Variants in PFKM observed in about 807,000 individuals in gnomAD.
The protein encoded by PFKM is ATP-dependent 6-phosphofructokinase, muscle type.
PFKM carries 58 observed loss-of-function variants against 95.5 expected under a neutral mutation model. That is an observed-to-expected ratio of 0.61 (90% CI 0.49 to 0.76). The LOEUF is 0.76. Ranked by LOEUF, PFKM falls within the 30% of genes least tolerant of loss-of-function variation. The pLI, the probability that PFKM is intolerant of heterozygous loss-of-function variation, is 0.00. For missense variants in PFKM, 678 were observed against 1,005.4 expected, an observed-to-expected ratio of 0.67 and a Z score of 4.40; for synonymous variants, 336 against 357.2, an observed-to-expected ratio of 0.94 and a Z score of 0.67.
At chr12:48,139,220 A>T in intron 11 of PFKM, 65 bp from the exon 12 acceptor site, 2 of 1,260,650 alleles carry the variant, frequency 1.6e-6, no homozygotes, top group South Asian at 2.4e-5. Flanking sequence ...CGACTGTGGG[A>T]TGGAGTTCCA....
chr12:48,111,290 CCAT>C (rs1947164350), intron 3 of PFKM, among the ~76,000 whole-genome samples: 1 of 152,194 alleles, frequency 6.6e-6, no homozygotes, highest in South Asian at 2.1e-4. Context: ...TTCATCTAGG[CCAT>C]CTATCACCAG....
chr12:48,137,548 C>A, intron 10 of PFKM, 173 bp from the exon 11 acceptor site: 1 of 703,432 alleles, frequency 1.4e-6, no homozygotes, highest in Non-Finnish European at 2.5e-6. Context: ...AGTCATCAAG[C>A]TTTAGATGAA....
chr12:48,118,897 T>A (rs78921140), upstream of PFKM, among the ~76,000 whole-genome samples: 1 of 142,450 alleles, frequency 7.0e-6, no homozygotes, highest in African/African-American at 2.7e-5. Flanking sequence ...TTATTTTTTT[T>A]AAACCTCTCG....
chr12:48,141,620 C>T (rs1316591305), intron 15 of PFKM, 120 bp from the exon 16 acceptor site: 10 of 869,082 alleles, frequency 1.2e-5, no homozygotes, highest in Non-Finnish European at 2.0e-5. Flanking sequence ...GGGAGGGCGG[C>T]ACAGGTCAAG....
chr12:48,136,687 C>T (rs1326973082), intron 10 of PFKM, among the ~76,000 whole-genome samples: 7 of 116,818 alleles, frequency 6.0e-5, no homozygotes, highest in East Asian at 4.9e-4. Context: ...ATTTGGGGGT[C>T]GTCACTTTTT....
intron 10 of PFKM, among the ~76,000 whole-genome samples, chr12:48,136,610 T>C (rs1950108453): frequency 2.0e-5 from 3 of 152,000 alleles, no homozygotes; most frequent in African/African-American, 7.2e-5. Context: ...CCCAACTGTT[T>C]CCAGAATAGC....
At chr12:48,120,752 G>T (rs1363707252) in intron 1 of PFKM, among the ~76,000 whole-genome samples, 1 of 152,162 alleles carries the variant, frequency 6.6e-6, no homozygotes, top group Non-Finnish European at 1.5e-5. Flanking sequence ...ACAGCTTACT[G>T]CCATACAAAA....
At chr12:48,110,314 G>T (rs571975132) in intron 3 of PFKM, among the ~76,000 whole-genome samples, 2 of 152,300 alleles carry the variant, frequency 1.3e-5, no homozygotes, top group Admixed American at 6.5e-5. Context: ...ATTGTGCAGT[G>T]CCTTCTAGGT....
In PFKM at chr12:48,137,769, C is replaced by T. The variant is rs1296850067; in HGVS notation, c.985C>T (p.Pro329Ser). ...EAVMALLEGT[P>S]DTPACVVSLS... ...AGTGATGGCACTTTTGGAGGGGACC[C>T]CAGATACCCCAGCCTGTGTAGTGAG... Residue 329 changes from proline to serine, a missense_variant, in exon 11 of 23, where the codon CCA (proline) becomes TCA (serine). Pro to Ser is a moderately conservative substitution (Grantham distance 74). Transcript: ENST00000359794. 1.2e-6 allele frequency: 2 copies of T among 1,614,084 alleles called. No individual in the cohort carries two copies. The highest frequency in any genetic ancestry group is 1.7e-6 in the Non-Finnish European group (2 of 1,179,966).
At chr12:48,123,415 A>G (rs954561673) in intron 2 of PFKM, among the ~76,000 whole-genome samples, 1 of 152,154 alleles carries the variant, frequency 6.6e-6, no homozygotes, top group African/African-American at 2.4e-5. Context: ...TATGAGGTGG[A>G]GGGGCAGAAA....
intron 2 of PFKM, among the ~76,000 whole-genome samples, chr12:48,124,794 CT>C (rs1290447067): frequency 6.6e-6 from 1 of 152,098 alleles, no homozygotes; most frequent in Admixed American, 6.6e-5. Flanking sequence ...AACTGAAATT[CT>C]ATGGAGGCAA....
At position 48,132,975 on chromosome 12, in the gene PFKM, C is replaced by T; in HGVS notation, c.345C>T (p.Val115=). 3 of 1,614,056 alleles carry T rather than the reference C, an allele frequency of 1.9e-6. No homozygotes were observed. Among genetic ancestry groups the T allele is most frequent in the Non-Finnish European group, 2.5e-6 (3 of 1,179,922 alleles). The stretch of plus-strand genomic sequence containing the variant: ...AGCGTGGGATCACCAATCTCTGTGT[C>T]ATTGGGGGTGATGGCAGCCTCACTG... ...LVKRGITNLC[V]IGGDGSLTGA... The change falls in exon 5 of 23, where the codon GTC becomes GTT. Residue 115 remains valine (V), a synonymous_variant. Coordinates refer to ENST00000359794, the MANE Select transcript of PFKM (RefSeq NM_000289.6).
At chr12:48,117,911 G>A (rs184137299), upstream of PFKM, among the ~76,000 whole-genome samples, 1 of 152,132 alleles carries the variant, frequency 6.6e-6, no homozygotes, top group African/African-American at 2.4e-5. Flanking sequence ...AAGCAGGGAG[G>A]GGGGAGCGGG....
chr12:48,118,696 C>A, upstream of PFKM: 1 of 655,088 alleles, frequency 1.5e-6, no homozygotes, highest in South Asian at 1.7e-5. Flanking sequence ...AGAATCCCGC[C>A]CCCATCCCTC....
At chr12:48,115,132 G>A (rs1392542044), upstream of PFKM, among the ~76,000 whole-genome samples, 3 of 152,174 alleles carry the variant, frequency 2.0e-5, no homozygotes, top group African/African-American at 7.2e-5. Context: ...AATGATCAAG[G>A]CAGGCGTCCC....
intron 3 of PFKM, among the ~76,000 whole-genome samples, chr12:48,108,433 G>A (rs901505296): frequency 6.6e-6 from 1 of 151,920 alleles, no homozygotes; most frequent in Admixed American, 6.6e-5. Flanking sequence ...GAAATTGTAG[G>A]GAAACAGACA....
intron 17 of PFKM, 21 bp downstream of exon 17, chr12:48,142,087 C>A: frequency 6.2e-7 from 1 of 1,612,442 alleles, no homozygotes; most frequent in Non-Finnish European, 8.5e-7. Context: ...ATCACCACTT[C>A]CCATCCCTTT....
chr12:48,111,264 C>G (rs910824063), intron 3 of PFKM, among the ~76,000 whole-genome samples: 1 of 152,214 alleles, frequency 6.6e-6, no homozygotes, highest in African/African-American at 2.4e-5. Context: ...TAAGAGCTTT[C>G]TATCATATTT....
Position 48,110,652 on chromosome 12 carries a change from G to C in PFKM, c.205+2458G>C, listed in dbSNP as rs143637231. On this transcript the variant is annotated intron_variant, in intron 3 of 24. Coordinates refer to the PFKM transcript ENST00000340802. ...AAGAAATTCACAGGGACTCCCTCCA[G>C]GGTGTTCTGCTCCTTGTTCTAAGTG... Among the ~76,000 whole-genome samples, 1,271 of 152,282 alleles carry C rather than the reference G, an allele frequency of 8.3e-3. 14 individuals are homozygous for C. Among genetic ancestry groups the C allele is most frequent in the African/African-American group, 0.028 (1,151 of 41,560 alleles).
Sources: allele counts gnomAD v4.1 joint callset (sites outside exome capture counted in the v4.1 genomes callset), GRCh38; gene constraint gnomAD v4.1.1; transcripts MANE v1.5; gene names NCBI Gene and HGNC (gene_info 2026-07-23, HGNC 2026-07-21).